STS: variants seen among roughly 807,000 people sequenced by gnomAD.
STS encodes the protein steroid sulfatase.
In STS, 7 loss-of-function variants were observed where a neutral mutation model predicts 26.8. The ratio of observed to expected loss-of-function variants is 0.26; its 90% CI spans 0.15 to 0.49. STS has a LOEUF of 0.49. STS is among the 20% of genes least tolerant of loss of function. The pLI, the probability that STS is intolerant of heterozygous loss-of-function variation, is 0.98. For missense variants in STS, 434 were observed against 465.6 expected, an observed-to-expected ratio of 0.93 and a Z score of 0.63; for synonymous variants, 199 against 189.4, an observed-to-expected ratio of 1.05 and a Z score of -0.42.
intron 2 of STS, among the ~76,000 whole-genome samples, chrX:7,210,816 T>C (rs956848858): frequency 9.1e-6 from 1 of 110,473 alleles, no homozygotes; most frequent in African/African-American, 3.3e-5. Flanking sequence ...TAGCTTTGGA[T>C]AGAAAAGCAT....
intron 1 of STS, among the ~76,000 whole-genome samples, chrX:7,149,409 G>A (rs1932963824): frequency 9.0e-6 from 1 of 111,532 alleles, no homozygotes; most frequent in South Asian, 3.8e-4. Context: ...AGGAGGTGAG[G>A]CAGGCCAAGC....
intron 7 of STS, among the ~76,000 whole-genome samples, chrX:7,295,417 G>A (rs921536314): frequency 1.8e-5 from 2 of 110,918 alleles, no homozygotes; most frequent in South Asian, 7.6e-4. Flanking sequence ...AATGGTAACT[G>A]CTATCATTAT....
chrX:7,185,560 A>C (rs1164814251), intron 1 of STS, among the ~76,000 whole-genome samples: 1 of 112,298 alleles, frequency 8.9e-6, no homozygotes, highest in East Asian at 2.8e-4. Context: ...TATGGCAAAC[A>C]TAAAGTTAAA....
chrX:7,204,419 T>C (rs1280834919), intron 2 of STS, among the ~76,000 whole-genome samples: 4 of 111,391 alleles, frequency 3.6e-5, no homozygotes, highest in African/African-American at 1.3e-4. Flanking sequence ...CATTTGTCTT[T>C]TGCCATTTTA....
At chrX:7,164,207 A>G (rs1933304522) in intron 1 of STS, among the ~76,000 whole-genome samples, 1 of 111,758 alleles carries the variant, frequency 8.9e-6, no homozygotes, top group African/African-American at 3.3e-5. Context: ...TGAGATATTC[A>G]CCATTACCTT....
chrX:7,171,736 G>T (rs1023043154), intron 1 of STS, among the ~76,000 whole-genome samples: 2 of 111,475 alleles, frequency 1.8e-5, no homozygotes, highest in Admixed American at 9.6e-5. Flanking sequence ...AGCATCACCC[G>T]GTACAATAGT....
chrX:7,153,795 C>G (rs778048817), intron 1 of STS, among the ~76,000 whole-genome samples: 43 of 102,596 alleles, frequency 4.2e-4, no homozygotes, highest in South Asian at 1.5e-3. Flanking sequence ...GTCTTCCTTC[C>G]TGTCCTCCTC....
intron 2 of STS, among the ~76,000 whole-genome samples, chrX:7,236,285 G>A (rs1306236520): frequency 9.0e-6 from 1 of 111,707 alleles, no homozygotes; most frequent in Non-Finnish European, 1.9e-5. Context: ...ACTTTGGGAG[G>A]AACTTAGTTT....
At chrX:7,285,076 GATA>G (rs773257925) in intron 7 of STS, among the ~76,000 whole-genome samples, 174 of 110,833 alleles carry the variant, frequency 1.6e-3, no homozygotes, top group African/African-American at 4.4e-3. Flanking sequence ...TGAAGATGGT[GATA>G]ATGATGAAAA....
chrX:7,324,338 G>A (rs753774834), intron 8 of STS, among the ~76,000 whole-genome samples: 4 of 110,705 alleles, frequency 3.6e-5, no homozygotes, highest in South Asian at 3.9e-4. Context: ...AAACCTCCAC[G>A]TAGCAGGCTT....
At chrX:7,150,053 A>T (rs926853942) in intron 1 of STS, among the ~76,000 whole-genome samples, 5 of 111,923 alleles carry the variant, frequency 4.5e-5, no homozygotes, top group African/African-American at 1.6e-4. Context: ...ACCTACAGTA[A>T]GTATGACAGT....
intron 2 of STS, among the ~76,000 whole-genome samples, chrX:7,240,489 ATGTATGTGTGTGTGTGTGTGTG>A (rs1922546848): frequency 2.2e-5 from 1 of 45,034 alleles, no homozygotes; most frequent in East Asian, 9.3e-4. Context: ...ACACACAGAT[ATGTATGTGTGTGTGTGTGTGTG>A]TGTGTGTGTG....
chrX:7,156,337 C>G (rs1420856375), intron 1 of STS, among the ~76,000 whole-genome samples: 1 of 109,961 alleles, frequency 9.1e-6, no homozygotes, highest in East Asian at 2.8e-4. Flanking sequence ...GGTGAAAGGT[C>G]TTTATATATA....
chrX:7,275,350 G>T (rs1924476114), intron 6 of STS, among the ~76,000 whole-genome samples: 1 of 111,317 alleles, frequency 9.0e-6, no homozygotes, highest in Admixed American at 9.6e-5. Context: ...ATTTTGATTA[G>T]CTTTATTTAA....
At chrX:7,175,179 T>TA (rs143220502) in intron 1 of STS, among the ~76,000 whole-genome samples, 947 of 42,061 alleles carry the variant, frequency 0.023, 18 homozygotes, top group African/African-American at 0.051. Flanking sequence ...TCTGAGCTGG[T>TA]AAAAAAAAAA....
intron 7 of STS, among the ~76,000 whole-genome samples, chrX:7,297,482 C>T (rs1394530804): frequency 9.0e-6 from 1 of 111,553 alleles, no homozygotes; most frequent in Non-Finnish European, 1.9e-5. Context: ...TAATCAGTTT[C>T]CGAATATCAC....
chrX:7,279,357 GTA>G (rs1465209031), intron 7 of STS, among the ~76,000 whole-genome samples: 21 of 75,042 alleles, frequency 2.8e-4, no homozygotes, highest in Admixed American at 1.9e-3. Flanking sequence ...GTGTGTGTGT[GTA>G]TATGTGTGTG....
chrX:7,287,529 A>C (rs1925193051), intron 7 of STS, among the ~76,000 whole-genome samples: 1 of 111,270 alleles, frequency 9.0e-6, no homozygotes, highest in South Asian at 3.7e-4. Context: ...GCTATTCTGC[A>C]GTTTTTTCTT....
rs1367891385 is a variant in STS, at chrX:7,350,208, G to A, written c.1684G>A (p.Gly562Ser). 1.6e-5 allele frequency: 19 copies of A among 1,210,046 alleles called. No homozygotes were observed. Among genetic ancestry groups the A allele is most frequent in the Non-Finnish European group, 2.1e-5 (19 of 895,086 alleles). The change falls in exon 11 of 11, where the codon GGC becomes AGC. Residue 562 changes from glycine to serine, a missense_variant. By Grantham distance (56) the Gly-to-Ser change is moderately conservative. Transcript: ENST00000674429. ...GCTTCAGCTGTGCTGTCCTTCCACC[G>A]GCCTGTCTTGCCAGTGTGATAGAGA... is the stretch of plus-strand genomic sequence containing the variant. The part of the protein sequence containing the change: ...PWLQLCCPST[G>S]LSCQCDREKQ...
Sources: gnomAD v4.1 joint callset for allele counts (sites outside exome capture counted in the v4.1 genomes callset) on GRCh38, gnomAD v4.1.1 for gene constraint, MANE v1.5 for transcripts, NCBI Gene and HGNC (gene_info 2026-07-23, HGNC 2026-07-21) for gene names.